Variants in SYNDIG1 observed in about 807,000 individuals in gnomAD.
The protein encoded by SYNDIG1 is synapse differentiation inducing 1.
Under a neutral mutation model 19.4 loss-of-function variants are expected in SYNDIG1, and 9 were observed. That is an observed-to-expected ratio of 0.46 (90% CI 0.28 to 0.81). The LOEUF is 0.81. Ranked by LOEUF, SYNDIG1 falls within the 30% of genes least tolerant of loss-of-function variation. The probability of loss-of-function intolerance (pLI) is 0.12; values close to 1 mark genes in which losing one functional copy is unlikely to be tolerated. For missense variants in SYNDIG1, 311 were observed against 343.3 expected (o/e 0.91, Z 0.74); for synonymous variants, 141 against 145.9 (o/e 0.97, Z 0.24).
intron 3 of SYNDIG1, among the ~76,000 whole-genome samples, chr20:24,601,733 TCCAC>T (rs2058682114): frequency 3.9e-5 from 6 of 152,188 alleles, no homozygotes; most frequent in African/African-American, 9.6e-5. Flanking sequence ...ATCCCTAGAT[TCCAC>T]TACTTTGCTC....
intron 3 of SYNDIG1, among the ~76,000 whole-genome samples, chr20:24,607,513 A>G (rs1293746805): frequency 2.0e-5 from 3 of 152,178 alleles, no homozygotes; most frequent in African/African-American, 7.2e-5. Context: ...GGGGCTAGGA[A>G]GAGCCTCGGC....
intron 3 of SYNDIG1, among the ~76,000 whole-genome samples, chr20:24,618,512 G>A (rs1414700318): frequency 1.3e-5 from 2 of 152,106 alleles, no homozygotes; most frequent in Non-Finnish European, 2.9e-5. Context: ...ATTATGTCCC[G>A]ACTAGCCTGC....
At chr20:24,490,323 A>G (rs2056110851) in intron 1 of SYNDIG1, among the ~76,000 whole-genome samples, 1 of 152,204 alleles carries the variant, frequency 6.6e-6, no homozygotes, top group African/African-American at 2.4e-5. Flanking sequence ...CTAAAATAGC[A>G]GTTATGCCTT....
At chr20:24,626,888 T>A (rs200938122) in intron 3 of SYNDIG1, among the ~76,000 whole-genome samples, 1 of 152,096 alleles carries the variant, frequency 6.6e-6, no homozygotes, top group East Asian at 1.9e-4. Context: ...AGCCCGGCCA[T>A]CACAGCGAAA....
At chr20:24,510,793 C>T (rs775114735) in intron 1 of SYNDIG1, among the ~76,000 whole-genome samples, 8 of 152,106 alleles carry the variant, frequency 5.3e-5, no homozygotes, top group Admixed American at 5.2e-4. Flanking sequence ...GTCTAGAATT[C>T]CCAATCTATT....
At chr20:24,566,756 C>T (rs2058049834) in intron 2 of SYNDIG1, among the ~76,000 whole-genome samples, 1 of 152,222 alleles carries the variant, frequency 6.6e-6, no homozygotes, top group East Asian at 1.9e-4. Context: ...AAAGCCCTCT[C>T]CCAAGTCCGT....
At chr20:24,471,616 A>G (rs1568750821) in intron 1 of SYNDIG1, among the ~76,000 whole-genome samples, 1 of 151,720 alleles carries the variant, frequency 6.6e-6, no homozygotes, top group Non-Finnish European at 1.5e-5. Flanking sequence ...AAAAAAAAAA[A>G]AAAGGAAAGA....
At chr20:24,617,432 C>T (rs1007570415) in intron 3 of SYNDIG1, among the ~76,000 whole-genome samples, 2 of 152,236 alleles carry the variant, frequency 1.3e-5, no homozygotes, top group African/African-American at 2.4e-5. Context: ...TGCGTGCCTT[C>T]CTCACAGTCA....
chr20:24,560,139 G>T lies in SYNDIG1; in HGVS notation c.480+16562G>T, dbSNP rs2057912693. Among the ~76,000 whole-genome samples the T allele has an allele frequency of 2.5e-5, 3 of 120,236 alleles. No individual in the cohort carries two copies. The South Asian group carries it at 8.5e-4, about 34-fold the overall frequency. 78.9% of individuals were successfully genotyped at this position (120,236 alleles called of 152,430 possible). On this transcript the variant is annotated intron_variant, in intron 2 of 3. Coordinates refer to ENST00000376862, the MANE Select transcript of SYNDIG1 (RefSeq NM_024893.3). ...GCTGGAGTGCAGTGGCGCGATCTCA[G>T]CTCACTGCAACTTCTGCCTCCCGGG... is the stretch of plus-strand genomic sequence containing the variant.
At chr20:24,559,496 G>T (rs1406944517) in intron 2 of SYNDIG1, among the ~76,000 whole-genome samples, 1 of 152,130 alleles carries the variant, frequency 6.6e-6, no homozygotes, top group Non-Finnish European at 1.5e-5. Context: ...AAACGACACA[G>T]GATCACAGGA....
In SYNDIG1 at chr20:24,665,636, C is replaced by A; in HGVS notation, c.*132C>A. 7.5e-7 allele frequency: 1 copy of A among 1,327,914 alleles called. No individual in the cohort carries two copies. The highest frequency in any genetic ancestry group is 1.0e-6 in the Non-Finnish European group (1 of 970,450). The allele number at this position is 1,327,914 out of a possible 1,614,324, so 82.3% of individuals were successfully genotyped here. The stretch of plus-strand genomic sequence containing the variant: ...CCACGAAGCCCTGGGATTTCCTACC[C>A]ATGGATTTATTTTGTTTTTATCCTT... On this transcript the variant is annotated 3_prime_UTR_variant, in exon 4 of 4. Coordinates refer to ENST00000376862, the MANE Select transcript of SYNDIG1 (RefSeq NM_024893.3).
chr20:24,624,402 T>C (rs2059089125), intron 3 of SYNDIG1, among the ~76,000 whole-genome samples: 1 of 152,164 alleles, frequency 6.6e-6, no homozygotes, highest in African/African-American at 2.4e-5. Flanking sequence ...AGTGGCTGTA[T>C]TAATTTGAGA....
chr20:24,596,949 G>C (rs2058604761), intron 3 of SYNDIG1: 1 of 150,542 alleles, frequency 6.6e-6, no homozygotes, highest in African/African-American at 2.4e-5. Context: ...GGCATTTGCA[G>C]CCTGTGTAGA....
intron 3 of SYNDIG1, among the ~76,000 whole-genome samples, chr20:24,656,215 A>T (rs1207484489): frequency 2.0e-5 from 3 of 152,180 alleles, no homozygotes; most frequent in Non-Finnish European, 4.4e-5. Flanking sequence ...TCCACTTGGT[A>T]TACAGTCATA....
chr20:24,481,108 T>A (rs1359801757), intron 1 of SYNDIG1, among the ~76,000 whole-genome samples: 1 of 151,920 alleles, frequency 6.6e-6, no homozygotes, highest in Non-Finnish European at 1.5e-5. Context: ...AAATTTTATG[T>A]TGTGTGTGTG....
At position 24,560,373 on chromosome 20, in the gene SYNDIG1, C is replaced by G. The variant is rs547734260; in HGVS notation, c.480+16796C>G. On this transcript the variant is annotated intron_variant, in intron 2 of 3. Coordinates refer to ENST00000376862, the MANE Select transcript of SYNDIG1 (RefSeq NM_024893.3). ...AGATATTTGAGGTTCTGTTCCTTTT[C>G]CTTTAACATTTTTCTTTCTGTTCTT... Among the ~76,000 whole-genome samples, 11 of 152,068 alleles carry G rather than the reference C, an allele frequency of 7.2e-5. No homozygotes were observed. In the South Asian group the frequency reaches 2.3e-3, roughly 32 times the overall value.
chr20:24,554,942 T>G (rs1057474712), intron 2 of SYNDIG1, among the ~76,000 whole-genome samples: 11 of 152,050 alleles, frequency 7.2e-5, no homozygotes, highest in African/African-American at 2.7e-4. Flanking sequence ...CCTGGACTCT[T>G]TTTGGTTGGT....
intron 3 of SYNDIG1, among the ~76,000 whole-genome samples, chr20:24,615,699 C>A (rs186954884): frequency 6.6e-6 from 1 of 152,168 alleles, no homozygotes; most frequent in Admixed American, 6.5e-5. Flanking sequence ...CCGAAACAGG[C>A]GCCCAATGGA....
At chr20:24,519,607 A>G (rs2056960682) in intron 1 of SYNDIG1, among the ~76,000 whole-genome samples, 1 of 152,228 alleles carries the variant, frequency 6.6e-6, no homozygotes, top group Non-Finnish European at 1.5e-5. Context: ...CTCTTCCACA[A>G]AATGGATCCT....
Sources: allele counts gnomAD v4.1 joint callset (sites outside exome capture counted in the v4.1 genomes callset), GRCh38; gene constraint gnomAD v4.1.1; transcripts MANE v1.5; gene names NCBI Gene and HGNC (gene_info 2026-07-23, HGNC 2026-07-21).